The following AUTS2 variants were observed in gnomAD, a reference collection of about 807,000 sequenced individuals.
AUTS2 encodes autism susceptibility gene 2 protein.
AUTS2 carries 17 observed loss-of-function variants against 112.4 expected under a neutral mutation model. The ratio of observed to expected loss-of-function variants is 0.15; its 90% CI spans 0.10 to 0.23. AUTS2 has a LOEUF of 0.23. Among genes scored for constraint, AUTS2 ranks in the 10% least tolerant of loss-of-function variants. The probability of loss-of-function intolerance (pLI) is 1.00; values close to 1 mark genes in which losing one functional copy is unlikely to be tolerated. For missense variants in AUTS2, 1,510 were observed against 1,701.6 expected (o/e 0.89, Z 1.98); for synonymous variants, 751 against 702.7 (o/e 1.07, Z -1.09).
intron 5 of AUTS2, among the ~76,000 whole-genome samples, chr7:70,496,102 A>C: frequency 8.1e-6 from 1 of 123,616 alleles, no homozygotes; most frequent in Non-Finnish European, 1.7e-5. Flanking sequence ...TCAGACACAC[A>C]CCCCACACAT....
intron 4 of AUTS2, among the ~76,000 whole-genome samples, chr7:70,242,858 GA>G (rs1168043507): frequency 6.6e-6 from 1 of 152,156 alleles, no homozygotes; most frequent in East Asian, 1.9e-4. Context: ...AAGAGAGGAA[GA>G]GGGGAGAAAT....
chr7:69,615,425 C>A (rs1208906982), intron 1 of AUTS2, among the ~76,000 whole-genome samples: 2 of 152,110 alleles, frequency 1.3e-5, no homozygotes, highest in Non-Finnish European at 2.9e-5. Flanking sequence ...GCCTCAGCCT[C>A]CCGAGTAGCT....
At chr7:69,889,470 C>A (rs778625163) in intron 1 of AUTS2, among the ~76,000 whole-genome samples, 2 of 152,196 alleles carry the variant, frequency 1.3e-5, no homozygotes, top group Non-Finnish European at 2.9e-5. Context: ...TTTTTCCACA[C>A]CCTCACTGAC....
At chr7:70,615,904 C>G (rs145326205) in intron 5 of AUTS2, among the ~76,000 whole-genome samples, 1 of 152,016 alleles carries the variant, frequency 6.6e-6, no homozygotes, top group Non-Finnish European at 1.5e-5. Context: ...GCCACCTTGC[C>G]GAGCTCATTT....
intron 6 of AUTS2, among the ~76,000 whole-genome samples, chr7:70,721,634 C>T (rs1003760619): frequency 6.6e-6 from 1 of 152,160 alleles, no homozygotes; most frequent in Non-Finnish European, 1.5e-5. Flanking sequence ...AGATGTTGTA[C>T]ATAGCTTTGC....
chr7:69,665,748 G>A (rs1796002120), intron 1 of AUTS2, among the ~76,000 whole-genome samples: 1 of 152,102 alleles, frequency 6.6e-6, no homozygotes, highest in Non-Finnish European at 1.5e-5. Flanking sequence ...TTAATAATCA[G>A]AGTATAATAA....
chr7:69,614,944 A>G (rs1480721289), intron 1 of AUTS2, among the ~76,000 whole-genome samples: 1 of 152,238 alleles, frequency 6.6e-6, no homozygotes, highest in Non-Finnish European at 1.5e-5. Context: ...TACAGATTGT[A>G]ATTGTTGGGG....
At chr7:70,589,530 A>C (rs1214925876) in intron 5 of AUTS2, among the ~76,000 whole-genome samples, 1 of 152,182 alleles carries the variant, frequency 6.6e-6, no homozygotes, top group Non-Finnish European at 1.5e-5. Context: ...CCTAGCCAAC[A>C]TGGCGAAACC....
At chr7:69,714,245 G>A (rs866723022) in intron 1 of AUTS2, among the ~76,000 whole-genome samples, 2 of 132,802 alleles carry the variant, frequency 1.5e-5, no homozygotes, top group East Asian at 2.3e-4. Context: ...GCATGTGTGT[G>A]TATATGTGTG....
At chr7:69,914,286 C>T (rs974440293) in intron 2 of AUTS2, among the ~76,000 whole-genome samples, 3 of 151,418 alleles carry the variant, frequency 2.0e-5, no homozygotes, top group African/African-American at 7.3e-5. Flanking sequence ...TAATTCCACA[C>T]TCCTGTTACA....
At chr7:70,493,908 G>A (rs1798347534) in intron 5 of AUTS2, among the ~76,000 whole-genome samples, 1 of 152,022 alleles carries the variant, frequency 6.6e-6, no homozygotes, top group Non-Finnish European at 1.5e-5. Context: ...GCAGTTCTAG[G>A]CAGTTAAATA....
chr7:70,019,271 A>G (rs537415072), intron 2 of AUTS2, among the ~76,000 whole-genome samples: 5 of 152,274 alleles, frequency 3.3e-5, no homozygotes, highest in Non-Finnish European at 7.4e-5. Context: ...GGAGGGTGGA[A>G]GGTGGGAGGA....
chr7:70,117,136 T>A (rs1327632115), intron 2 of AUTS2, among the ~76,000 whole-genome samples: 1 of 93,486 alleles, frequency 1.1e-5, no homozygotes, highest in South Asian at 3.1e-4. Context: ...TGTTTTTTTT[T>A]GTTTTTTTTT....
At chr7:70,675,277 G>A (rs1807853070) in intron 5 of AUTS2, among the ~76,000 whole-genome samples, 1 of 152,202 alleles carries the variant, frequency 6.6e-6, no homozygotes, top group Non-Finnish European at 1.5e-5. Context: ...TGGATGGCTT[G>A]AGATCAGGAG....
chr7:69,689,343 ATTTTTT>A (rs530444257), intron 1 of AUTS2, among the ~76,000 whole-genome samples: 1,288 of 102,466 alleles, frequency 0.013, 9 homozygotes, highest in African/African-American at 0.027. Context: ...TAATTAATTA[ATTTTTT>A]TTTTTTTTTT....
chr7:70,668,198 T>C (rs1807446374), intron 5 of AUTS2, among the ~76,000 whole-genome samples: 1 of 152,196 alleles, frequency 6.6e-6, no homozygotes, highest in Non-Finnish European at 1.5e-5. Context: ...AGGCTGGTCT[T>C]GAACTCCGGA....
At chr7:70,315,081 C>T (rs1340026196) in intron 4 of AUTS2, among the ~76,000 whole-genome samples, 1 of 152,178 alleles carries the variant, frequency 6.6e-6, no homozygotes, top group Admixed American at 6.5e-5. Context: ...AAAATAGTTT[C>T]TTAATACCCA....
intron 3 of AUTS2, among the ~76,000 whole-genome samples, chr7:70,130,302 A>G (rs953280279): frequency 1.3e-5 from 2 of 152,298 alleles, no homozygotes; most frequent in Middle Eastern, 3.4e-3. Flanking sequence ...TTTATAATGA[A>G]TGGAGCACAT....
intron 4 of AUTS2, among the ~76,000 whole-genome samples, chr7:70,406,108 A>T (rs1482209149): frequency 6.6e-6 from 1 of 152,172 alleles, no homozygotes; most frequent in Non-Finnish European, 1.5e-5. Context: ...AAAGAGAAGC[A>T]TAAAATAGCA....
Sources: gnomAD v4.1 joint callset for allele counts (sites outside exome capture counted in the v4.1 genomes callset) on GRCh38, gnomAD v4.1.1 for gene constraint, MANE v1.5 for transcripts, NCBI Gene and HGNC (gene_info 2026-07-23, HGNC 2026-07-21) for gene names.